The following IL1RAPL2 variants were observed in gnomAD, a reference collection of about 807,000 sequenced individuals.
IL1RAPL2 encodes X-linked interleukin-1 receptor accessory protein-like 2.
IL1RAPL2 carries 3 observed loss-of-function variants against 44.1 expected under a neutral mutation model. That is an observed-to-expected ratio of 0.07 (90% CI 0.03 to 0.18). The LOEUF (loss-of-function observed/expected upper bound fraction) is 0.18, where lower values mean the gene tolerates loss of function less well. Ranked by LOEUF, IL1RAPL2 falls within the 10% of genes least tolerant of loss-of-function variation. The pLI, the probability that IL1RAPL2 is intolerant of heterozygous loss-of-function variation, is 1.00. For synonymous variants in IL1RAPL2, 181 were observed against 178.8 expected, an observed-to-expected ratio of 1.01 and a Z score of -0.10; for missense variants, 391 against 496.4, an observed-to-expected ratio of 0.79 and a Z score of 2.02.
chrX:104,631,330 T>A (rs902420318), intron 1 of IL1RAPL2, among the ~76,000 whole-genome samples: 4 of 112,110 alleles, frequency 3.6e-5, no homozygotes, highest in Admixed American at 2.8e-4. Context: ...GAAGCATGAT[T>A]TATAATCCTT....
At chrX:104,676,895 C>T (rs745410310) in intron 2 of IL1RAPL2, among the ~76,000 whole-genome samples, 1 of 112,079 alleles carries the variant, frequency 8.9e-6, no homozygotes, top group South Asian at 3.8e-4. Flanking sequence ...ATCACATCGG[C>T]TCTTGAGGCT....
chrX:105,106,018 T>TTA (rs2032737514), intron 2 of IL1RAPL2, among the ~76,000 whole-genome samples: 1 of 111,324 alleles, frequency 9.0e-6, no homozygotes, highest in South Asian at 3.8e-4. Context: ...CAGAATGAAA[T>TTA]AACTAAAGAT....
rs372388133 is a variant in IL1RAPL2, at chrX:105,602,471, G to GAA, written c.773-114893_773-114892dup. Among the ~76,000 whole-genome samples, 986 of 110,825 alleles carry GAA rather than the reference G, an allele frequency of 8.9e-3. 10 individuals carry two copies. Among genetic ancestry groups the GAA allele is most frequent in the South Asian group, 0.086 (226 of 2,619 alleles). On this transcript the variant is annotated intron_variant, in intron 6 of 10. Transcript: ENST00000372582. ...TTAAGTGCACAAATTTTTGCATTAT[G>GAA]AAAAGTCCAGAAGATGAAGACATGG... is the stretch of plus-strand genomic sequence containing the variant.
At chrX:105,550,111 G>C (rs371155089) in intron 6 of IL1RAPL2, among the ~76,000 whole-genome samples, 25 of 111,840 alleles carry the variant, frequency 2.2e-4, no homozygotes, top group African/African-American at 7.5e-4. Context: ...CTTTCCAGGA[G>C]ATAGGACCCG....
Position 105,399,274 on chromosome X carries a change from T to A in IL1RAPL2, c.698-85039T>A, listed in dbSNP as rs747473712. 4.5e-5 allele frequency among the ~76,000 whole-genome samples: 5 copies of A among 111,192 alleles called. No individual in the cohort carries two copies. In the East Asian group the frequency reaches 1.4e-3, roughly 32 times the overall value. On this transcript the variant is annotated intron_variant, in intron 5 of 10. Coordinates refer to ENST00000372582, the MANE Select transcript of IL1RAPL2 (RefSeq NM_017416.2). Reference sequence around the variant, plus strand: ...CTTTTTCAAAAAAGTATATAAACTTTAAAAGACACTCTGTTACTATTTACT... The same window carrying A: ...CTTTTTCAAAAAAGTATATAAACTTAAAAAGACACTCTGTTACTATTTACT...
intron 2 of IL1RAPL2, among the ~76,000 whole-genome samples, chrX:104,891,579 T>C (rs554065231): frequency 5.4e-5 from 6 of 111,996 alleles, no homozygotes; most frequent in African/African-American, 1.9e-4. Flanking sequence ...AGTTAACTCA[T>C]GATTTGGCTC....
chrX:105,406,512 A>G, intron 5 of IL1RAPL2: 1 of 1,198,060 alleles, frequency 8.3e-7, no homozygotes, highest in Non-Finnish European at 1.1e-6. Flanking sequence ...TTTGCTAGCA[A>G]CTCCAACCAA....
intron 2 of IL1RAPL2, among the ~76,000 whole-genome samples, chrX:105,078,416 G>A (rs2032345143): frequency 9.1e-6 from 1 of 110,460 alleles, no homozygotes; most frequent in Non-Finnish European, 1.9e-5. Flanking sequence ...AGGAGTACCC[G>A]GGAGTGTGAG....
chrX:104,939,592 G>C (rs1384696562), intron 2 of IL1RAPL2, among the ~76,000 whole-genome samples: 3 of 110,869 alleles, frequency 2.7e-5, no homozygotes, highest in Non-Finnish European at 5.7e-5. Context: ...CCAAAGTTGA[G>C]GTATATACCA....
At chrX:105,190,180 A>T (rs2033621746) in intron 2 of IL1RAPL2, among the ~76,000 whole-genome samples, 1 of 110,650 alleles carries the variant, frequency 9.0e-6, no homozygotes, top group Non-Finnish European at 1.9e-5. Context: ...TGAAACTCAT[A>T]GCTGCTGCTG....
At chrX:105,464,292 A>C (rs1004294164) in intron 5 of IL1RAPL2, among the ~76,000 whole-genome samples, 3 of 111,995 alleles carry the variant, frequency 2.7e-5, no homozygotes, top group Non-Finnish European at 5.7e-5. Context: ...AAATGCTATT[A>C]TTCTCACTTA....
At chrX:105,326,038 C>T (rs1019003055) in intron 5 of IL1RAPL2, among the ~76,000 whole-genome samples, 1 of 110,616 alleles carries the variant, frequency 9.0e-6, no homozygotes, top group African/African-American at 3.3e-5. Flanking sequence ...TGTTAATTTT[C>T]CTTATTTTAT....
At chrX:104,654,584 A>C (rs746154085) in intron 1 of IL1RAPL2, among the ~76,000 whole-genome samples, 1 of 111,199 alleles carries the variant, frequency 9.0e-6, no homozygotes, top group East Asian at 2.9e-4. Context: ...TTGAAAGTCT[A>C]ATGATTTGAA....
intron 2 of IL1RAPL2, among the ~76,000 whole-genome samples, chrX:105,128,532 G>A (rs759786132): frequency 6.3e-5 from 7 of 111,118 alleles, no homozygotes; most frequent in African/African-American, 2.0e-4. Flanking sequence ...AAGTCATTTG[G>A]TATGATACAT....
intron 6 of IL1RAPL2, among the ~76,000 whole-genome samples, chrX:105,610,171 T>C (rs2037325479): frequency 9.0e-6 from 1 of 111,183 alleles, no homozygotes; most frequent in African/African-American, 3.3e-5. Flanking sequence ...AGTTGGCGGG[T>C]TGGATTTGGT....
chrX:105,520,923 CTTTTT>C (rs1172515228), intron 6 of IL1RAPL2, among the ~76,000 whole-genome samples: 3,200 of 52,197 alleles, frequency 0.061, 141 homozygotes, highest in African/African-American at 0.18. Context: ...TTCTTTCTTT[CTTTTT>C]TTTTTTTTTT....
intron 3 of IL1RAPL2, chrX:105,219,354 G>A (rs2033912804): frequency 8.3e-7 from 1 of 1,211,377 alleles, no homozygotes; most frequent in Non-Finnish European, 1.1e-6. Context: ...AGGGGTTCGT[G>A]GTTCCAGAGA....
In IL1RAPL2 at chrX:105,195,598, G is replaced by A. The variant is rs2033666681; in HGVS notation, c.206G>A (p.Ser69Asn). The A allele has an allele frequency of 8.3e-7, 1 of 1,212,095 alleles. No homozygotes were observed. Among genetic ancestry groups the A allele is most frequent in the African/African-American group, 1.7e-5 (1 of 57,931 alleles). ...YIRTNYSTAQSTGLRLMWYKN... is the reference protein window; with the variant it reads ...YIRTNYSTAQNTGLRLMWYKN... ...CGTACCAACTATAGCACGGCCCAGAGCACTGGGCTCAGGCTTATGTGGTAC... is the reference window on the plus strand; with the variant it reads ...CGTACCAACTATAGCACGGCCCAGAACACTGGGCTCAGGCTTATGTGGTAC... The change falls in exon 3 of 11, where the codon AGC (serine) becomes AAC (asparagine). Residue 69 changes from serine (S) to asparagine (N), a missense_variant. Ser to Asn is a conservative substitution (Grantham distance 46, BLOSUM62 1). Transcript: ENST00000372582.
intron 2 of IL1RAPL2, among the ~76,000 whole-genome samples, chrX:104,860,705 A>T (rs1472580225): frequency 2.7e-5 from 3 of 111,141 alleles, no homozygotes; most frequent in Non-Finnish European, 3.8e-5. Flanking sequence ...ACTGAAAAAA[A>T]TTTTTGGAAT....
Sources: allele counts gnomAD v4.1 joint callset (sites outside exome capture counted in the v4.1 genomes callset), GRCh38; gene constraint gnomAD v4.1.1; transcripts MANE v1.5; gene names NCBI Gene and HGNC (gene_info 2026-07-23, HGNC 2026-07-21).